ADAMTSL1: variants seen among roughly 807,000 people sequenced by gnomAD.
ADAMTSL1 encodes the protein ADAMTS-like protein 1.
In ADAMTSL1, 126 loss-of-function variants were observed where a neutral mutation model predicts 201.8. The observed-to-expected ratio is 0.62, with a 90% CI of 0.54 to 0.72. The LOEUF (loss-of-function observed/expected upper bound fraction) is 0.72. Ranked by LOEUF, ADAMTSL1 falls within the 30% of genes least tolerant of loss-of-function variation. ADAMTSL1 has a pLI of 0.00. For synonymous variants in ADAMTSL1, 1,121 were observed against 903.4 expected, an observed-to-expected ratio of 1.24 and a Z score of -4.32; for missense variants, 2,679 against 2,277.8, an observed-to-expected ratio of 1.18 and a Z score of -3.59.
chr9:18,847,477 C>G (rs1235533469), intron 23 of ADAMTSL1, among the ~76,000 whole-genome samples: 2 of 152,152 alleles, frequency 1.3e-5, no homozygotes, highest in African/African-American at 4.8e-5. Context: ...CAAATGGCAT[C>G]ATATGGTAGA....
intron 23 of ADAMTSL1, among the ~76,000 whole-genome samples, chr9:18,874,676 G>C (rs908302924): frequency 2.6e-5 from 4 of 152,144 alleles, no homozygotes; most frequent in Non-Finnish European, 5.9e-5. Flanking sequence ...GATTTGGTTA[G>C]CTAGTATTTT....
chr9:18,770,741 A>G lies in ADAMTSL1; in HGVS notation c.2357A>G (p.Asp786Gly), dbSNP rs1199089388. 6 of 1,613,826 alleles carry G rather than the reference A, an allele frequency of 3.7e-6. No individual in the cohort carries two copies. Among genetic ancestry groups the G allele is most frequent in the Non-Finnish European group, 5.1e-6 (6 of 1,179,876 alleles). ...KPACQQACKK[D>G]DCPSEWLLSD... Reference sequence around the variant, plus strand: ...GCCTGCCAGCAAGCATGCAAGAAAGATGACTGTCCCAGCGAGTGGCTTCTC... The same window carrying G: ...GCCTGCCAGCAAGCATGCAAGAAAGGTGACTGTCCCAGCGAGTGGCTTCTC... Residue 786 changes from aspartate (D) to glycine (G), a missense_variant, in exon 17 of 29, where the codon GAT becomes GGT. By Grantham distance (94) the Asp-to-Gly change is moderately conservative. Coordinates refer to ENST00000380548, the MANE Select transcript of ADAMTSL1 (RefSeq NM_001040272.6).
intron 1 of ADAMTSL1, among the ~76,000 whole-genome samples, chr9:17,967,005 T>G (rs1818001919): frequency 1.3e-5 from 2 of 152,150 alleles, no homozygotes. Context: ...CATTGTAATT[T>G]TTATTATTAT....
chr9:17,946,016 T>A (rs1827454345), intron 1 of ADAMTSL1, among the ~76,000 whole-genome samples: 1 of 151,630 alleles, frequency 6.6e-6, no homozygotes, highest in Non-Finnish European at 1.5e-5. Context: ...TTTTTCTGTA[T>A]GTTCGTAATT....
intron 4 of ADAMTSL1, among the ~76,000 whole-genome samples, chr9:18,621,447 T>C (rs540997323): frequency 6.6e-6 from 1 of 152,198 alleles, no homozygotes; most frequent in Admixed American, 6.5e-5. Flanking sequence ...CATGGCTCTT[T>C]TGAGAATGAA....
chr9:17,929,623 G>C (rs1452711714), intron 1 of ADAMTSL1, among the ~76,000 whole-genome samples: 1 of 152,062 alleles, frequency 6.6e-6, no homozygotes, highest in African/African-American at 2.4e-5. Context: ...AGGGCACCAA[G>C]CGTTCTTACT....
intron 1 of ADAMTSL1, among the ~76,000 whole-genome samples, chr9:18,015,663 G>A (rs1446572257): frequency 2.0e-5 from 3 of 151,946 alleles, no homozygotes; most frequent in South Asian, 2.1e-4. Context: ...AATGTCCTGC[G>A]CTTATTAAGA....
intron 2 of ADAMTSL1, among the ~76,000 whole-genome samples, chr9:18,422,847 C>T (rs1015706377): frequency 6.6e-6 from 1 of 152,194 alleles, no homozygotes; most frequent in African/African-American, 2.4e-5. Context: ...ACCAACAGCT[C>T]CCTGTGGATG....
intron 2 of ADAMTSL1, among the ~76,000 whole-genome samples, chr9:18,268,272 T>C (rs1256851868): frequency 6.6e-6 from 1 of 152,218 alleles, no homozygotes; most frequent in Non-Finnish European, 1.5e-5. Context: ...GTATTGATTA[T>C]AATAGTATGT....
At position 18,889,646 on chromosome 9, in the gene ADAMTSL1, G is replaced by T. The variant is rs759942847; in HGVS notation, c.4541G>T (p.Arg1514Met). The change falls in exon 25 of 29, where the codon AGG becomes ATG. Residue 1514 changes from arginine (R) to methionine (M), a missense_variant. Arg to Met is a moderately conservative substitution (Grantham distance 91). Transcript: ENST00000380548. ...CGGGGGGTTCAGCAGCCCCGCTTGA[G>T]GTGCCTGCTGAACAGCACGGAGGTC... ...GNRGVQQPRLRCLLNSTEVNP... is the reference protein window; with the variant it reads ...GNRGVQQPRLMCLLNSTEVNP... 6.2e-7 allele frequency: 1 copy of T among 1,612,770 alleles called. No homozygotes were observed. The highest frequency in any genetic ancestry group is 1.3e-5 in the African/African-American group (1 of 75,002).
chr9:18,267,498 T>C (rs1364061784), intron 2 of ADAMTSL1, among the ~76,000 whole-genome samples: 1 of 152,066 alleles, frequency 6.6e-6, no homozygotes, highest in Non-Finnish European at 1.5e-5. Context: ...AATGTAAAAT[T>C]TGTGCATTAC....
At chr9:18,333,507 C>A (rs1031181872) in intron 2 of ADAMTSL1, among the ~76,000 whole-genome samples, 4 of 152,116 alleles carry the variant, frequency 2.6e-5, no homozygotes, top group Non-Finnish European at 5.9e-5. Context: ...CGGGTGTTTC[C>A]TTATAGTGGC....
At chr9:18,570,242 C>CA (rs1312903330) in intron 3 of ADAMTSL1, among the ~76,000 whole-genome samples, 1 of 150,650 alleles carries the variant, frequency 6.6e-6, no homozygotes, top group African/African-American at 2.4e-5. Context: ...AAAAAAAGAC[C>CA]AAAAAAACCC....
upstream of ADAMTSL1, among the ~76,000 whole-genome samples, chr9:18,471,145 A>G (rs923652132): frequency 6.6e-6 from 1 of 152,212 alleles, no homozygotes; most frequent in Non-Finnish European, 1.5e-5. Flanking sequence ...AGGCTAAAAT[A>G]AGATACTTTC....
intron 3 of ADAMTSL1, among the ~76,000 whole-genome samples, chr9:18,562,772 C>T (rs1288771878): frequency 1.3e-5 from 2 of 152,194 alleles, no homozygotes; most frequent in Admixed American, 1.3e-4. Flanking sequence ...AGATGATCTT[C>T]AATCTTTGAT....
chr9:18,643,816 G>A (rs930174949), intron 7 of ADAMTSL1, among the ~76,000 whole-genome samples: 1 of 151,734 alleles, frequency 6.6e-6, no homozygotes, highest in African/African-American at 2.4e-5. Flanking sequence ...GTCGTATGAT[G>A]CCTTTATCTT....
intron 1 of ADAMTSL1, among the ~76,000 whole-genome samples, chr9:18,100,742 C>T (rs956941531): frequency 4.6e-5 from 7 of 152,160 alleles, no homozygotes; most frequent in Non-Finnish European, 8.8e-5. Flanking sequence ...CAGGTGCCAT[C>T]CTGCACCACC....
At chr9:18,056,884 C>A (rs1218073543) in intron 1 of ADAMTSL1, among the ~76,000 whole-genome samples, 1 of 152,122 alleles carries the variant, frequency 6.6e-6, no homozygotes, top group African/African-American at 2.4e-5. Flanking sequence ...CATTCATCTC[C>A]TTTAACATGT....
At chr9:18,844,855 T>G (rs1043370265) in intron 23 of ADAMTSL1, among the ~76,000 whole-genome samples, 1 of 152,208 alleles carries the variant, frequency 6.6e-6, no homozygotes, top group Non-Finnish European at 1.5e-5. Flanking sequence ...GTGCGGGATA[T>G]AATCTCCTGG....
Sources: gnomAD v4.1 joint callset for allele counts (sites outside exome capture counted in the v4.1 genomes callset) on GRCh38, gnomAD v4.1.1 for gene constraint, MANE v1.5 for transcripts, NCBI Gene and HGNC (gene_info 2026-07-23, HGNC 2026-07-21) for gene names.